BTBD8: variants seen among roughly 807,000 people sequenced by gnomAD.
BTBD8 encodes the protein BTB domain containing 8, also known as BTB/POZ domain-containing protein 8.
BTBD8 carries 110 observed loss-of-function variants against 162.9 expected under a neutral mutation model. That is an observed-to-expected ratio of 0.68 (90% CI 0.58 to 0.79). The LOEUF is 0.79. Ranked by LOEUF, BTBD8 falls within the 30% of genes least tolerant of loss-of-function variation. The probability of loss-of-function intolerance (pLI) is 0.00; values close to 1 mark genes in which losing one functional copy is unlikely to be tolerated. For missense variants in BTBD8, 1,905 were observed against 2,085.4 expected, an observed-to-expected ratio of 0.91 and a Z score of 1.68; for synonymous variants, 667 against 716.1, an observed-to-expected ratio of 0.93 and a Z score of 1.10.
chr1:92,176,467 GA>G (rs1650713110), intron 13 of BTBD8, among the ~76,000 whole-genome samples: 1 of 152,154 alleles, frequency 6.6e-6, no homozygotes, highest in African/African-American at 2.4e-5. Context: ...TAAAACATGG[GA>G]GTAAGCCTTC....
rs904744099 is a variant in BTBD8, at chr1:92,102,357, C to T, written c.348-116C>T. The T allele has an allele frequency of 6.0e-5, 55 of 919,434 alleles. No individual in the cohort carries two copies. The African/African-American group carries it at 9.0e-4, about 15-fold the overall frequency. 57.0% of individuals were successfully genotyped at this position (919,434 alleles called of 1,614,324 possible). On this transcript the variant is annotated intron_variant, in intron 2 of 17. Transcript: ENST00000636805. The stretch of plus-strand genomic sequence containing the variant: ...TTAGATTGACCTTTCTACAGTTAGT[C>T]CAAATTAAGAAGGTTTAATATTATA...
At chr1:92,143,482 T>C (rs1164950811) in intron 7 of BTBD8, among the ~76,000 whole-genome samples, 1 of 152,132 alleles carries the variant, frequency 6.6e-6, no homozygotes, top group Non-Finnish European at 1.5e-5. Flanking sequence ...TTGAAAACTT[T>C]TTTTGCTTTT....
At chr1:92,119,406 C>T (rs946513798) in intron 4 of BTBD8, among the ~76,000 whole-genome samples, 2 of 150,926 alleles carry the variant, frequency 1.3e-5, no homozygotes, top group African/African-American at 4.9e-5. Context: ...CCACCTCAGC[C>T]TCTTGAGTAG....
chr1:92,150,273 T>C (rs574524521), intron 9 of BTBD8, among the ~76,000 whole-genome samples: 5 of 150,138 alleles, frequency 3.3e-5, no homozygotes, highest in African/African-American at 9.8e-5. Flanking sequence ...ACACTTCTTA[T>C]ATTGAATATT....
intron 1 of BTBD8, among the ~76,000 whole-genome samples, 174 bp downstream of exon 1, chr1:92,080,894 C>T (rs187517881): frequency 1.1e-4 from 17 of 152,268 alleles, no homozygotes; most frequent in Admixed American, 3.3e-4. Context: ...TGGCTTCGCT[C>T]GCCCTGAATA....
In BTBD8 at chr1:92,182,050, A is replaced by T; in HGVS notation, c.4367A>T (p.His1456Leu). 6.4e-7 allele frequency: 1 copy of T among 1,551,564 alleles called. No homozygotes were observed. The highest frequency in any genetic ancestry group is 8.7e-7 in the Non-Finnish European group (1 of 1,146,912). Residue 1456 changes from histidine (H) to leucine (L), a missense_variant, in exon 17 of 18, where the codon CAT (histidine) becomes CTT (leucine). Coordinates refer to ENST00000636805, the MANE Select transcript of BTBD8 (RefSeq NM_001376131.1). ...CTGGGATCAGATGAAGGAGAAGTCCATACTCCCTTTCAGGCTTCTGTAGAT... is the reference window on the plus strand; with the variant it reads ...CTGGGATCAGATGAAGGAGAAGTCCTTACTCCCTTTCAGGCTTCTGTAGAT... The part of the protein sequence containing the change: ...EELGSDEGEV[H>L]TPFQASVDSF...
chr1:92,144,276 A>G (rs1649854151), intron 7 of BTBD8, among the ~76,000 whole-genome samples: 1 of 152,044 alleles, frequency 6.6e-6, no homozygotes, highest in African/African-American at 2.4e-5. Flanking sequence ...GCCCAGCCTT[A>G]GTTCTTAATT....
Position 92,163,971 on chromosome 1 carries a change from C to T in BTBD8, c.1123-2987C>T, listed in dbSNP as rs115714566. On this transcript the variant is annotated intron_variant, in intron 9 of 17. Transcript: ENST00000636805. ...GTATATAGTAAGCACTTTGTAGATA[C>T]CTGCCAAATTTATTTAAATACCTTA... Among the ~76,000 whole-genome samples, 824 of 152,230 alleles carry T rather than the reference C, an allele frequency of 5.4e-3. 14 individuals are homozygous for T. The highest frequency in any genetic ancestry group is 0.024 in the Middle Eastern group (7 of 294).
chr1:92,172,464 C>T (rs1165725039), intron 13 of BTBD8, among the ~76,000 whole-genome samples: 1 of 152,116 alleles, frequency 6.6e-6, no homozygotes, highest in Non-Finnish European at 1.5e-5. Flanking sequence ...TTTTGACCAC[C>T]CACAAGGTTA....
At chr1:92,171,254 TG>T in intron 12 of BTBD8, 144 bp from the exon 13 acceptor site, 1 of 486,370 alleles carries the variant, frequency 2.1e-6, no homozygotes, top group South Asian at 4.4e-5. Flanking sequence ...AATAGGGAGT[TG>T]TTTTGTATAC....
chr1:92,163,271 C>G (rs1024553158), intron 9 of BTBD8, among the ~76,000 whole-genome samples: 2 of 133,624 alleles, frequency 1.5e-5, no homozygotes, highest in Non-Finnish European at 3.1e-5. Context: ...AGGAGAATGG[C>G]GTGAACCCGG....
chr1:92,099,060 G>T (rs534547), intron 2 of BTBD8, among the ~76,000 whole-genome samples: 114,576 of 152,164 alleles, frequency 0.75, 44,445 homozygotes, highest in East Asian at 0.97. Context: ...CTATTCTGGT[G>T]AATTTTTGTA....
Position 92,184,293 on chromosome 1 carries a change from G to A in BTBD8, c.5342G>A (p.Gly1781Asp), listed in dbSNP as rs1383423136. 1 of 1,551,126 alleles carries A rather than the reference G, an allele frequency of 6.4e-7. No homozygotes were observed. The highest frequency in any genetic ancestry group is 8.7e-7 in the Non-Finnish European group (1 of 1,146,636). Residue 1781 changes from glycine (G) to aspartate (D), a missense_variant, in exon 18 of 18, where the codon GGC (glycine) becomes GAC (aspartate). By Grantham distance (94) the Gly-to-Asp change is moderately conservative. Coordinates refer to ENST00000636805, the MANE Select transcript of BTBD8 (RefSeq NM_001376131.1). Reference sequence around the variant, plus strand: ...TCCTCTGAAGATTGTTCGCCTCAAGGCGAGTGGACAATTCTGGAACTGGAA... The same window carrying A: ...TCCTCTGAAGATTGTTCGCCTCAAGACGAGTGGACAATTCTGGAACTGGAA... ...SFSSEDCSPQ[G>D]EWTILELETQ...
chr1:92,161,053 AG>A (rs1273466452), intron 9 of BTBD8, among the ~76,000 whole-genome samples: 2 of 152,322 alleles, frequency 1.3e-5, no homozygotes, highest in African/African-American at 4.8e-5. Context: ...GCTCTGTGCC[AG>A]GGGTAGGATT....
At chr1:92,136,978 C>T (rs1649649595) in intron 5 of BTBD8, among the ~76,000 whole-genome samples, 1 of 151,926 alleles carries the variant, frequency 6.6e-6, no homozygotes, top group Admixed American at 6.6e-5. Context: ...AGGAAACAAT[C>T]AGGGATAAAA....
Position 92,177,362 on chromosome 1 carries a change from A to G in BTBD8, c.2169A>G (p.Ala723=), listed in dbSNP as rs1650750016. Residue 723 remains alanine, a synonymous_variant, in exon 14 of 18, where the codon GCA becomes GCG. Coordinates refer to ENST00000636805, the MANE Select transcript of BTBD8 (RefSeq NM_001376131.1). ...AGGATTCACCATGCCTCAGCATCGCAGGACCCTCCAGCAGATCCACAGATT... is the reference window on the plus strand; with the variant it reads ...AGGATTCACCATGCCTCAGCATCGCGGGACCCTCCAGCAGATCCACAGATT... ...TGKDSPCLSI[A]GPSSRSTDSS... 2 of 1,551,820 alleles carry G rather than the reference A, an allele frequency of 1.3e-6. No individual in the cohort carries two copies. The highest frequency in any genetic ancestry group is 1.7e-6 in the Non-Finnish European group (2 of 1,147,022).
chr1:92,141,118 G>T lies in BTBD8; in HGVS notation c.837G>T (p.Gln279His). 6.5e-7 allele frequency: 1 copy of T among 1,547,644 alleles called. No homozygotes were observed. The highest frequency in any genetic ancestry group is 8.7e-7 in the Non-Finnish European group (1 of 1,149,800). ...AGTGCATCTATTTTTATTTTAGTCA[G>T]ATACTCAATATGGCTGATATGTATG... Reference protein sequence around the residue: ...LDIPDKTNVGQILNMADMYGL... With the variant: ...LDIPDKTNVGHILNMADMYGL... Residue 279 changes from glutamine (Q) to histidine (H), a missense_variant, in exon 7 of 18, where the codon CAG becomes CAT. Gln to His is a conservative substitution (Grantham distance 24, BLOSUM62 0). Around this residue, in one of 3 missense-constraint regions of BTBD8, gnomAD observed 1,374 missense variants for 1,442.7 expected, o/e 0.95. Transcript: ENST00000636805.
chr1:92,147,741 T>G lies in BTBD8; in HGVS notation c.1077T>G (p.Pro359=), dbSNP rs368173141. 5.2e-5 allele frequency: 84 copies of G among 1,613,546 alleles called. No homozygotes were observed. In the African/African-American group the frequency reaches 9.7e-4, roughly 19 times the overall value. ...FWSERSFANI[P]PEIQKSCLNM... ...CTGAGAGAAGCTTTGCAAATATACC[T>G]CCTGAGATTCAGAAAAGTTGTCTTA... Residue 359 remains proline, a synonymous_variant, in exon 9 of 18, where the codon CCT becomes CCG. Transcript: ENST00000636805.
chr1:92,159,927 GTTTC>G (rs1260135667), intron 9 of BTBD8, among the ~76,000 whole-genome samples: 3 of 151,910 alleles, frequency 2.0e-5, no homozygotes, highest in Non-Finnish European at 4.4e-5. Flanking sequence ...GTGGATGTCT[GTTTC>G]TTTCTCCAGA....
Sources: allele counts gnomAD v4.1 joint callset (sites outside exome capture counted in the v4.1 genomes callset), GRCh38; gene constraint gnomAD v4.1.1; regional missense constraint gnomAD v4.1.1; transcripts MANE v1.5; gene names NCBI Gene and HGNC (gene_info 2026-07-23, HGNC 2026-07-21).